The following DNER variants were observed in gnomAD, a reference collection of about 807,000 sequenced individuals.
The protein encoded by DNER is delta and Notch-like epidermal growth factor-related receptor.
A neutral mutation model predicts 78.2 loss-of-function variants in DNER; 33 were observed. The ratio of observed to expected loss-of-function variants is 0.42; its 90% CI spans 0.32 to 0.56. DNER has a LOEUF of 0.56. Among genes scored for constraint, DNER ranks in the 20% least tolerant of loss-of-function variants. The pLI is 0.11. For synonymous variants in DNER, 417 were observed against 384.8 expected, an observed-to-expected ratio of 1.08 and a Z score of -0.98; for missense variants, 918 against 975.3, an observed-to-expected ratio of 0.94 and a Z score of 0.78.
intron 6 of DNER, among the ~76,000 whole-genome samples, chr2:229,497,488 A>G (rs1695522691): frequency 6.6e-6 from 1 of 152,114 alleles, no homozygotes; most frequent in Non-Finnish European, 1.5e-5. Context: ...AATAGGAAAA[A>G]TATCAACAAA....
chr2:229,615,834 G>A (rs1054652104), intron 1 of DNER, among the ~76,000 whole-genome samples: 27 of 152,176 alleles, frequency 1.8e-4, no homozygotes, highest in African/African-American at 6.3e-4. Flanking sequence ...AAAGCAAGCA[G>A]CCACAAGAAG....
chr2:229,586,885 G>A, intron 3 of DNER: 1 of 985,528 alleles, frequency 1.0e-6, no homozygotes, highest in Non-Finnish European at 1.2e-6. Context: ...TGCAGCAGGG[G>A]CTCAGTAAAG....
intron 12 of DNER, among the ~76,000 whole-genome samples, chr2:229,363,098 G>A (rs376184587): frequency 5.9e-5 from 9 of 152,326 alleles, no homozygotes; most frequent in African/African-American, 1.4e-4. Flanking sequence ...CTTTGCTCCT[G>A]CTGGTCAGTT....
intron 10 of DNER, among the ~76,000 whole-genome samples, chr2:229,391,836 C>G (rs113613872): frequency 6.6e-6 from 1 of 152,166 alleles, no homozygotes; most frequent in African/African-American, 2.4e-5. Context: ...AGCCACCATG[C>G]CCAGCCAAAT....
chr2:229,569,978 C>A (rs1395855802), intron 4 of DNER, among the ~76,000 whole-genome samples: 1 of 152,166 alleles, frequency 6.6e-6, no homozygotes, highest in Non-Finnish European at 1.5e-5. Flanking sequence ...CCATAATTTT[C>A]TTCCAGGAGA....
intron 7 of DNER, among the ~76,000 whole-genome samples, chr2:229,475,872 A>C (rs1695024609): frequency 6.6e-6 from 1 of 152,182 alleles, no homozygotes; most frequent in Non-Finnish European, 1.5e-5. Context: ...ACTAAACACT[A>C]AACGACAAGG....
At chr2:229,501,006 G>A (rs1695610040) in intron 6 of DNER, among the ~76,000 whole-genome samples, 1 of 152,134 alleles carries the variant, frequency 6.6e-6, no homozygotes, top group Non-Finnish European at 1.5e-5. Context: ...CAACCTGGAG[G>A]ACATTGTGCT....
intron 5 of DNER, among the ~76,000 whole-genome samples, chr2:229,545,651 T>C (rs1696614224): frequency 6.6e-6 from 1 of 152,216 alleles, no homozygotes; most frequent in Non-Finnish European, 1.5e-5. Flanking sequence ...TTTGTTCATC[T>C]GACTCCCAAA....
In DNER at chr2:229,358,482, T is replaced by C; in HGVS notation, c.*58A>G. 6.1e-6 allele frequency: 8 copies of C among 1,317,386 alleles called. No homozygotes were observed. The highest frequency in any genetic ancestry group is 7.2e-6 in the Non-Finnish European group (7 of 972,628). The allele number at this position is 1,317,386 out of a possible 1,614,324, so 81.6% of individuals were successfully genotyped here. On this transcript the variant is annotated 3_prime_UTR_variant, in exon 13 of 13. Coordinates refer to ENST00000341772, the MANE Select transcript of DNER (RefSeq NM_139072.4). The stretch of plus-strand genomic sequence containing the variant: ...AAATTTCTTAAGCTTTTTATTTTCT[T>C]AAAAATATTTAAATGAGTGTAGTAT...
intron 7 of DNER, among the ~76,000 whole-genome samples, chr2:229,470,452 C>T (rs919959298): frequency 2.0e-5 from 3 of 152,038 alleles, no homozygotes; most frequent in African/African-American, 7.3e-5. Context: ...TTCCTTGCTG[C>T]ATTTTTATTT....
At chr2:229,634,356 G>C (rs1698493311) in intron 1 of DNER, among the ~76,000 whole-genome samples, 1 of 151,996 alleles carries the variant, frequency 6.6e-6, no homozygotes, top group Non-Finnish European at 1.5e-5. Flanking sequence ...AGAGGCAGTG[G>C]GTGAAATATC....
intron 7 of DNER, among the ~76,000 whole-genome samples, chr2:229,464,389 T>C (rs1393509776): frequency 6.6e-6 from 1 of 152,036 alleles, no homozygotes; most frequent in East Asian, 1.9e-4. Flanking sequence ...AAAGTCAAAG[T>C]TAGATTTAAG....
Position 229,477,174 on chromosome 2 carries a change from G to A in DNER, c.1227C>T (p.Ser409=). 1.9e-6 allele frequency: 3 copies of A among 1,613,906 alleles called. No individual in the cohort carries two copies. Among genetic ancestry groups the A allele is most frequent in the Non-Finnish European group, 1.7e-6 (2 of 1,179,930 alleles). The change falls in exon 7 of 13, where the codon TCC becomes TCT. Residue 409 remains serine (S), a synonymous_variant. Transcript: ENST00000341772. ...ACTGGCAGGTGAATCCACTGAGACTGGAAATGCATGTTGCTCCATTTCTGC... is the reference window on the plus strand; with the variant it reads ...ACTGGCAGGTGAATCCACTGAGACTAGAAATGCATGTTGCTCCATTTCTGC... ...DPCRNGATCI[S]SLSGFTCQCP...
intron 9 of DNER, among the ~76,000 whole-genome samples, chr2:229,414,960 C>G (rs1412977726): frequency 6.6e-6 from 1 of 152,138 alleles, no homozygotes; most frequent in Admixed American, 6.5e-5. Context: ...GTCGGGAGTT[C>G]AAGACCAGCC....
chr2:229,512,962 C>A, intron 5 of DNER, 26 bp from the exon 6 acceptor site: 1 of 1,608,458 alleles, frequency 6.2e-7, no homozygotes. Flanking sequence ...AGCACAGTGT[C>A]TATTACCTGG....
chr2:229,411,458 G>A (rs181831573), intron 9 of DNER, among the ~76,000 whole-genome samples: 14 of 152,208 alleles, frequency 9.2e-5, no homozygotes, highest in African/African-American at 2.9e-4. Context: ...TCAGGAGGCC[G>A]AGACAGGAGG....
At chr2:229,368,411 C>G (rs1191380943) in intron 11 of DNER, among the ~76,000 whole-genome samples, 1 of 151,976 alleles carries the variant, frequency 6.6e-6, no homozygotes, top group African/African-American at 2.4e-5. Context: ...CTTCCCTCAC[C>G]CCATACTCTC....
In DNER at chr2:229,526,958, G is replaced by A. The variant is rs182185802; in HGVS notation, c.994-14022C>T. ...CACTGCAGCAAAAGCCAATCGCCTT[G>A]CAATATGGCTGCCATCTACTACGGT... On this transcript the variant is annotated intron_variant, in intron 5 of 12. Coordinates refer to ENST00000341772, the MANE Select transcript of DNER (RefSeq NM_139072.4). Among the ~76,000 whole-genome samples the A allele has an allele frequency of 5.3e-5, 8 of 152,258 alleles. No homozygotes were observed. In the East Asian group the frequency reaches 1.2e-3, roughly 22 times the overall value.
intron 1 of DNER, among the ~76,000 whole-genome samples, chr2:229,709,611 C>T (rs1372955076): frequency 1.3e-5 from 2 of 152,104 alleles, no homozygotes; most frequent in African/African-American, 4.8e-5. Flanking sequence ...TTCAAGTTAG[C>T]ATGGTTAATC....
Sources: allele counts gnomAD v4.1 joint callset (sites outside exome capture counted in the v4.1 genomes callset), GRCh38; gene constraint gnomAD v4.1.1; transcripts MANE v1.5; gene names NCBI Gene and HGNC (gene_info 2026-07-23, HGNC 2026-07-21).